ST6GALNAC5: variants seen among roughly 807,000 people sequenced by gnomAD.
The protein encoded by ST6GALNAC5 is alpha-N-acetylgalactosaminide alpha-2,6-sialyltransferase 5.
Under a neutral mutation model 33.6 loss-of-function variants are expected in ST6GALNAC5, and 27 were observed. The observed-to-expected ratio is 0.80, with a 90% CI of 0.59 to 1.11. The LOEUF is 1.11. ST6GALNAC5 is among the 50% of genes least tolerant of loss of function. ST6GALNAC5 has a pLI of 0.00. For synonymous variants in ST6GALNAC5, 194 were observed against 171.2 expected (o/e 1.13, Z -1.04); for missense variants, 428 against 454.0 (o/e 0.94, Z 0.52).
chr1:77,063,314 T>C lies in ST6GALNAC5; in HGVS notation c.*108T>C, dbSNP rs1423773195. On this transcript the variant is annotated 3_prime_UTR_variant, in exon 5 of 5. Coordinates refer to ENST00000477717, the MANE Select transcript of ST6GALNAC5 (RefSeq NM_030965.3). ...AAAGGGTAGCAGAAAACAGCTTCAC[T>C]CCTCAGGAAGTACCATGGACAGACG... 2.1e-6 allele frequency: 2 copies of C among 969,420 alleles called. No individual in the cohort carries two copies. Among genetic ancestry groups the C allele is most frequent in the Non-Finnish European group, 3.1e-6 (2 of 640,816 alleles). The allele number at this position is 969,420 out of a possible 1,614,324, so 60.1% of individuals were successfully genotyped here.
chr1:76,867,833 C>T (rs1653378288), intron 1 of ST6GALNAC5, 143 bp downstream of exon 1: 10 of 1,205,886 alleles, frequency 8.3e-6, no homozygotes, highest in Admixed American at 2.2e-5. Flanking sequence ...CTACCCGCTC[C>T]GCGTTCCCTC....
intron 2 of ST6GALNAC5, among the ~76,000 whole-genome samples, chr1:76,971,168 G>A (rs1228395392): frequency 6.6e-6 from 1 of 152,104 alleles, no homozygotes; most frequent in Non-Finnish European, 1.5e-5. Flanking sequence ...TCAGAGTAAG[G>A]AATTTCTCTC....
In ST6GALNAC5 at chr1:77,063,007, A is replaced by T; in HGVS notation, c.812A>T (p.Tyr271Phe). ...AATCACCCTTCAGTACCTTATCATT[A>T]TTATGAACCTTTTGGACCTGATGAA... ...DPNHPSVPYH[Y>F]YEPFGPDECT... Residue 271 changes from tyrosine to phenylalanine, a missense_variant, in exon 5 of 5, where the codon TAT becomes TTT. Tyr to Phe is a conservative substitution (Grantham distance 22). Transcript: ENST00000477717. 6.2e-7 allele frequency: 1 copy of T among 1,613,902 alleles called. No individual in the cohort carries two copies. Among genetic ancestry groups the T allele is most frequent in the Non-Finnish European group, 8.5e-7 (1 of 1,179,872 alleles).
chr1:76,891,985 G>A (rs560101709), intron 2 of ST6GALNAC5, among the ~76,000 whole-genome samples: 8 of 152,056 alleles, frequency 5.3e-5, no homozygotes, highest in African/African-American at 1.2e-4. Flanking sequence ...TGATTATCAC[G>A]GGCCATGGCA....
intron 2 of ST6GALNAC5, among the ~76,000 whole-genome samples, chr1:76,880,423 G>T (rs1043356121): frequency 3.3e-5 from 5 of 152,134 alleles, no homozygotes; most frequent in Admixed American, 1.3e-4. Context: ...GTATTAGTCA[G>T]CATTCTCTAG....
intron 4 of ST6GALNAC5, among the ~76,000 whole-genome samples, chr1:77,055,377 C>T (rs947980606): frequency 2.6e-5 from 4 of 152,220 alleles, no homozygotes; most frequent in Non-Finnish European, 4.4e-5. Flanking sequence ...TTTCCACTGG[C>T]TCTTTACTAA....
At chr1:76,915,461 AG>A in intron 2 of ST6GALNAC5, among the ~76,000 whole-genome samples, 1 of 152,324 alleles carries the variant, frequency 6.6e-6, no homozygotes, top group South Asian at 2.1e-4. Context: ...CAATGATGAT[AG>A]ACTGGATTAA....
chr1:76,938,539 C>T (rs183481989), intron 2 of ST6GALNAC5, among the ~76,000 whole-genome samples: 88 of 152,190 alleles, frequency 5.8e-4, no homozygotes, highest in African/African-American at 1.7e-3. Context: ...CAAATGTGGG[C>T]TCATCTTTGT....
intron 2 of ST6GALNAC5, among the ~76,000 whole-genome samples, chr1:77,035,102 C>A (rs1055588066): frequency 1.3e-5 from 2 of 152,154 alleles, no homozygotes; most frequent in Admixed American, 6.5e-5. Flanking sequence ...CATGGAGCAT[C>A]TGATTCAGAA....
At chr1:76,948,356 A>C (rs1225168475) in intron 2 of ST6GALNAC5, among the ~76,000 whole-genome samples, 2 of 152,158 alleles carry the variant, frequency 1.3e-5, no homozygotes, top group Non-Finnish European at 2.9e-5. Flanking sequence ...CATCTGGCTT[A>C]ACAGCCAGCT....
chr1:76,966,531 A>G lies in ST6GALNAC5; in HGVS notation c.262-77673A>G, dbSNP rs144464599. 3.8e-3 allele frequency among the ~76,000 whole-genome samples: 586 copies of G among 152,360 alleles called. 5 individuals are homozygous for G. Among genetic ancestry groups the G allele is most frequent in the African/African-American group, 0.013 (561 of 41,582 alleles). On this transcript the variant is annotated intron_variant, in intron 2 of 4. Coordinates refer to ENST00000477717, the MANE Select transcript of ST6GALNAC5 (RefSeq NM_030965.3). Reference sequence around the variant, plus strand: ...GATGGGGTTTTCTAAATATAAAATCATGTCATCTGCAAAAAGGGACAATTT... The same window carrying G: ...GATGGGGTTTTCTAAATATAAAATCGTGTCATCTGCAAAAAGGGACAATTT...
intron 2 of ST6GALNAC5, among the ~76,000 whole-genome samples, chr1:76,881,888 G>C (rs1271659049): frequency 2.0e-5 from 3 of 152,150 alleles, no homozygotes; most frequent in Non-Finnish European, 4.4e-5. Flanking sequence ...TTATCAAAAG[G>C]AATTCCAGAG....
In ST6GALNAC5 at chr1:76,929,391, T is replaced by G. The variant is rs551722708; in HGVS notation, c.261+60649T>G. 6.9e-4 allele frequency among the ~76,000 whole-genome samples: 105 copies of G among 152,022 alleles called. 1 individual carries two copies. The highest frequency in any genetic ancestry group is 1.3e-3 in the Non-Finnish European group (86 of 67,970). ...CCTGTTACTATAAAACATTAAAAAATAGAAGGGCATTGTGTTGCATGCCCG... is the reference window on the plus strand; with the variant it reads ...CCTGTTACTATAAAACATTAAAAAAGAGAAGGGCATTGTGTTGCATGCCCG... On this transcript the variant is annotated intron_variant, in intron 2 of 4. Transcript: ENST00000477717.
intron 2 of ST6GALNAC5, among the ~76,000 whole-genome samples, chr1:76,905,476 G>C (rs1272260186): frequency 6.6e-6 from 1 of 152,162 alleles, no homozygotes; most frequent in Non-Finnish European, 1.5e-5. Flanking sequence ...GGTGCAAATG[G>C]GAAGGGAACA....
In ST6GALNAC5 at chr1:76,868,663, A is replaced by G. The variant is rs1003525953; in HGVS notation, c.182A>G (p.Glu61Gly). 1 of 1,587,800 alleles carries G rather than the reference A, an allele frequency of 6.3e-7. No individual in the cohort carries two copies. Among genetic ancestry groups the G allele is most frequent in the Non-Finnish European group, 8.6e-7 (1 of 1,165,930 alleles). ...ACCGGCAGCTCGCAGCCGGCGGCGG[A>G]GAGCAGCACCCAGCAGCGCCCCGGG... is the stretch of plus-strand genomic sequence containing the variant. ...SATGSSQPAA[E>G]SSTQQRPGVP... The change falls in exon 2 of 5, where the codon GAG (glutamate) becomes GGG (glycine). Residue 61 changes from glutamate (E) to glycine (G), a missense_variant. Physicochemically the swap from Glu to Gly is moderately conservative, Grantham distance 98. Coordinates refer to ENST00000477717, the MANE Select transcript of ST6GALNAC5 (RefSeq NM_030965.3). This position sits in a 1 kb window ranked among gnomAD's most constrained non-coding sequence, Gnocchi z 4.3.
intron 2 of ST6GALNAC5, among the ~76,000 whole-genome samples, chr1:76,937,282 G>C (rs1034642421): frequency 6.6e-6 from 1 of 151,902 alleles, no homozygotes; most frequent in Non-Finnish European, 1.5e-5. Flanking sequence ...TTTTCTCAAA[G>C]ATAAAAGTTT....
At chr1:76,937,241 T>C (rs1458950362) in intron 2 of ST6GALNAC5, among the ~76,000 whole-genome samples, 3 of 151,990 alleles carry the variant, frequency 2.0e-5, no homozygotes, top group African/African-American at 7.2e-5. Flanking sequence ...TTTCCTTGTT[T>C]CTTTTGGTTT....
chr1:76,941,755 G>A (rs1647342803), intron 2 of ST6GALNAC5, among the ~76,000 whole-genome samples: 1 of 152,064 alleles, frequency 6.6e-6, no homozygotes, highest in Admixed American at 6.6e-5. Context: ...TTCGGAAGGA[G>A]CCTTTGGATG....
chr1:77,050,783 C>T (rs1283124966), intron 4 of ST6GALNAC5, among the ~76,000 whole-genome samples: 1 of 152,218 alleles, frequency 6.6e-6, no homozygotes, highest in African/African-American at 2.4e-5. Context: ...TTCTCTGAGC[C>T]TCCTTCCCTT....
Sources: gnomAD v4.1 joint callset for allele counts (sites outside exome capture counted in the v4.1 genomes callset) on GRCh38, gnomAD v4.1.1 for gene constraint, Gnocchi (gnomAD v3.1) non-coding constraint, MANE v1.5 for transcripts, NCBI Gene and HGNC (gene_info 2026-07-23, HGNC 2026-07-21) for gene names.